The following DPP6 variants were observed in gnomAD, a reference collection of about 807,000 sequenced individuals.
The protein encoded by DPP6 is dipeptidyl peptidase like 6, also known as A-type potassium channel modulatory protein DPP6.
A neutral mutation model predicts 122.6 loss-of-function variants in DPP6; 69 were observed. The observed-to-expected ratio is 0.56, with a 90% confidence interval of 0.46 to 0.69. The LOEUF is 0.69. Among genes scored for constraint, DPP6 ranks in the 30% least tolerant of loss-of-function variants. The pLI is 0.00. For synonymous variants in DPP6, 418 were observed against 433.1 expected (o/e 0.97, Z 0.43); for missense variants, 928 against 1,116.9 (o/e 0.83, Z 2.41).
chr7:154,757,913 G>C (rs949366731), intron 8 of DPP6, among the ~76,000 whole-genome samples: 1 of 152,290 alleles, frequency 6.6e-6, no homozygotes, highest in African/African-American at 2.4e-5. Context: ...CAGGGAGGTC[G>C]GAGGCCAGCC....
chr7:154,839,718 T>C (rs1406440835), intron 16 of DPP6, among the ~76,000 whole-genome samples: 1 of 152,130 alleles, frequency 6.6e-6, no homozygotes, highest in African/African-American at 2.4e-5. Flanking sequence ...GCAGGAAGAC[T>C]GGGAGGGAAG....
intron 1 of DPP6, among the ~76,000 whole-genome samples, chr7:154,073,953 T>C (rs1803317425): frequency 6.6e-6 from 1 of 152,256 alleles, no homozygotes; most frequent in South Asian, 2.1e-4. Flanking sequence ...GCCACTGCAC[T>C]CCAGCCTGGG....
At chr7:154,552,858 T>C (rs1280409963) in intron 4 of DPP6, among the ~76,000 whole-genome samples, 1 of 152,226 alleles carries the variant, frequency 6.6e-6, no homozygotes, top group Non-Finnish European at 1.5e-5. Flanking sequence ...GGCTGAAATG[T>C]CTGTATGCAA....
At chr7:154,590,719 A>C (rs1204293556) in intron 5 of DPP6, among the ~76,000 whole-genome samples, 1 of 150,802 alleles carries the variant, frequency 6.6e-6, no homozygotes, top group Non-Finnish European at 1.5e-5. Context: ...TGTTTAGTAG[A>C]GACGGGGTTT....
intron 5 of DPP6, among the ~76,000 whole-genome samples, chr7:154,570,040 C>G (rs117812565): frequency 1.3e-4 from 19 of 151,976 alleles, no homozygotes; most frequent in African/African-American, 4.1e-4. Flanking sequence ...AGAGTAGTTC[C>G]GTATGTATAC....
the DPP6 span, among the ~76,000 whole-genome samples, chr7:153,776,654 T>A: frequency 1.3e-5 from 2 of 152,146 alleles, no homozygotes; most frequent in Non-Finnish European, 2.9e-5. Flanking sequence ...TATAACCAAC[T>A]GACTTGTTGC....
In DPP6 at chr7:154,147,648, TTGTGTG is replaced by T. The variant is rs370147218; in HGVS notation, c.243+94609_243+94614del. The stretch of plus-strand genomic sequence containing the variant: ...GCACCCACCACTATACCCAGCTAAT[TTGTGTG>T]TGTGTGTGTGTGTGTGTGTGTGTAT... On this transcript the variant is annotated intron_variant, in intron 1 of 25. Transcript: ENST00000377770. 3.6e-3 allele frequency among the ~76,000 whole-genome samples: 532 copies of T among 146,292 alleles called. 3 individuals are homozygous for T. Among genetic ancestry groups the T allele is most frequent in the African/African-American group, 0.01 (396 of 38,854 alleles).
intron 5 of DPP6, among the ~76,000 whole-genome samples, chr7:154,632,771 C>T (rs747756287): frequency 3.9e-5 from 6 of 152,102 alleles, no homozygotes; most frequent in Middle Eastern, 3.4e-3. Flanking sequence ...TCAGTGTCCA[C>T]GATGGTACAG....
Position 154,893,226 on chromosome 7 carries a change from T to C in DPP6, c.*746T>C, listed in dbSNP as rs2150712155. Reference sequence around the variant, plus strand: ...GATGAAGAAGCAGATCGGAAGTAACTGCTCCCTCCTCAAGGTTGTCTTCAG... The same window carrying C: ...GATGAAGAAGCAGATCGGAAGTAACCGCTCCCTCCTCAAGGTTGTCTTCAG... On this transcript the variant is annotated 3_prime_UTR_variant, in exon 26 of 26. Coordinates refer to ENST00000377770, the MANE Select transcript of DPP6 (RefSeq NM_130797.4). 1 of 281,718 alleles carries C rather than the reference T, an allele frequency of 3.5e-6. No individual in the cohort carries two copies. The allele number at this position is 281,718 out of a possible 1,614,324, so 17.5% of individuals were successfully genotyped here.
chr7:153,767,014 T>C, the DPP6 span, among the ~76,000 whole-genome samples: 4 of 152,008 alleles, frequency 2.6e-5, no homozygotes, highest in African/African-American at 9.7e-5. Flanking sequence ...AAGAAAAAGA[T>C]TGATGGAAAA....
chr7:154,063,562 C>G (rs527948367), intron 1 of DPP6, among the ~76,000 whole-genome samples: 3 of 128,830 alleles, frequency 2.3e-5, no homozygotes, highest in African/African-American at 5.7e-5. Flanking sequence ...TGAGAGCTAT[C>G]CCCTCTTCCG....
At chr7:154,060,614 G>T in intron 1 of DPP6, among the ~76,000 whole-genome samples, 1 of 141,674 alleles carries the variant, frequency 7.1e-6, no homozygotes, top group South Asian at 2.4e-4. Context: ...CCCCCCCCTG[G>T]CTCTGAGGAC....
chr7:153,838,630 G>T, the DPP6 span, among the ~76,000 whole-genome samples: 1 of 152,160 alleles, frequency 6.6e-6, no homozygotes, highest in Admixed American at 6.5e-5. Flanking sequence ...CAGAAACCAA[G>T]TTAAGAGTGA....
intron 10 of DPP6, among the ~76,000 whole-genome samples, chr7:154,792,118 C>T (rs931120589): frequency 6.6e-6 from 1 of 152,192 alleles, no homozygotes; most frequent in Admixed American, 6.5e-5. Flanking sequence ...ATAGTCATTC[C>T]GGGAGACCTT....
Position 154,601,186 on chromosome 7 carries a change from T to C in DPP6, c.627+34270T>C, listed in dbSNP as rs1404035944. ...GTCCAGGGTCTTGAAGGTGTGTATG[T>C]ATGCTGATGCACTTGGATGACCTGT... On this transcript the variant is annotated intron_variant, in intron 5 of 25. Transcript: ENST00000377770. Among the ~76,000 whole-genome samples, 8 of 121,778 alleles carry C rather than the reference T, an allele frequency of 6.6e-5. 1 individual carries two copies. The highest frequency in any genetic ancestry group is 1.5e-4 in the Non-Finnish European group (8 of 53,872). 79.9% of individuals were successfully genotyped at this position (121,778 alleles called of 152,430 possible).
chr7:153,885,651 C>T (rs141315696), upstream of DPP6, among the ~76,000 whole-genome samples: 4 of 152,224 alleles, frequency 2.6e-5, no homozygotes, highest in Admixed American at 6.5e-5. Context: ...GTTATCACAG[C>T]CAGAAGACAG....
At chr7:154,828,352 T>C (rs1800354448) in intron 16 of DPP6, among the ~76,000 whole-genome samples, 2 of 152,070 alleles carry the variant, frequency 1.3e-5, no homozygotes, top group Admixed American at 1.3e-4. Flanking sequence ...TTTACAAAAA[T>C]GAATAAACTG....
chr7:153,830,450 C>A, the DPP6 span, among the ~76,000 whole-genome samples: 4 of 152,170 alleles, frequency 2.6e-5, no homozygotes, highest in African/African-American at 9.7e-5. Context: ...TAACACAGGT[C>A]TTTGATTAAT....
chr7:153,876,665 T>C, the DPP6 span, among the ~76,000 whole-genome samples: 1 of 152,046 alleles, frequency 6.6e-6, no homozygotes, highest in African/African-American at 2.4e-5. Flanking sequence ...AGTCACACAT[T>C]GCTTAATGAC....
Sources: gnomAD v4.1 joint callset for allele counts (sites outside exome capture counted in the v4.1 genomes callset) on GRCh38, gnomAD v4.1.1 for gene constraint, MANE v1.5 for transcripts, NCBI Gene and HGNC (gene_info 2026-07-23, HGNC 2026-07-21) for gene names.